Variants in MIPEP observed in about 807,000 individuals in gnomAD.
MIPEP encodes mitochondrial intermediate peptidase.
Under a neutral mutation model 90.3 loss-of-function variants are expected in MIPEP, and 79 were observed. The observed-to-expected ratio is 0.87, with a 90% CI of 0.73 to 1.05. MIPEP has a LOEUF of 1.05. Ranked by LOEUF, MIPEP falls within the 50% of genes least tolerant of loss-of-function variation. MIPEP has a pLI of 0.00. For synonymous variants in MIPEP, 334 were observed against 315.8 expected (o/e 1.06, Z -0.61); for missense variants, 940 against 905.6 (o/e 1.04, Z -0.49).
At position 23,839,715 on chromosome 13, in the gene MIPEP, A is replaced by G. The variant is rs944932351; in HGVS notation, c.1272T>C (p.His424=). The part of the protein sequence containing the change: ...SEDVRKLAVV[H]ESEGLLGYIY... The stretch of plus-strand genomic sequence containing the variant: ...TGTACCCCAACAATCCTTCAGATTC[A>G]TGAACAACAGCCTAGAAAAAAAAAT... Residue 424 remains histidine, a synonymous_variant, in exon 12 of 19, where the codon CAT becomes CAC. Transcript: ENST00000382172. The G allele has an allele frequency of 6.2e-7, 1 of 1,611,800 alleles. No individual in the cohort carries two copies. Among genetic ancestry groups the G allele is most frequent in the Admixed American group, 1.7e-5 (1 of 59,522 alleles).
intron 18 of MIPEP, among the ~76,000 whole-genome samples, chr13:23,746,376 G>A (rs1240793679): frequency 6.6e-6 from 1 of 151,312 alleles, no homozygotes; most frequent in East Asian, 2.0e-4. Context: ...GTTCACGCCT[G>A]TAATCTCAGC....
chr13:23,770,326 A>T (rs964107704), intron 16 of MIPEP, among the ~76,000 whole-genome samples: 1 of 151,552 alleles, frequency 6.6e-6, no homozygotes, highest in African/African-American at 2.4e-5. Context: ...TGCCTCAGAT[A>T]CTCTTCCCCC....
chr13:23,880,405 C>A (rs1286565513), intron 3 of MIPEP, among the ~76,000 whole-genome samples: 1 of 152,214 alleles, frequency 6.6e-6, no homozygotes, highest in East Asian at 1.9e-4. Context: ...CCGCACTGCC[C>A]CCACTGCAGA....
intron 18 of MIPEP, among the ~76,000 whole-genome samples, chr13:23,754,292 C>T (rs1952470365): frequency 6.6e-6 from 1 of 152,136 alleles, no homozygotes; most frequent in Non-Finnish European, 1.5e-5. Flanking sequence ...ACAAATCCAG[C>T]CCTATGAAGT....
chr13:23,738,351 A>G (rs1952287129), intron 18 of MIPEP, among the ~76,000 whole-genome samples: 1 of 151,776 alleles, frequency 6.6e-6, no homozygotes, highest in African/African-American at 2.4e-5. Flanking sequence ...TTGTTAATGT[A>G]GTTTATGTGT....
chr13:23,764,729 TA>T (rs968436845), intron 16 of MIPEP, among the ~76,000 whole-genome samples: 2 of 152,052 alleles, frequency 1.3e-5, no homozygotes, highest in Non-Finnish European at 1.5e-5. Flanking sequence ...GGCTAATTTT[TA>T]AAAAAAATTT....
chr13:23,759,039 A>G (rs1053449168), intron 17 of MIPEP, among the ~76,000 whole-genome samples: 1 of 152,288 alleles, frequency 6.6e-6, no homozygotes. Context: ...CATCAGCCAA[A>G]GTTCCCTGAA....
At chr13:23,753,115 C>T (rs1278691829) in intron 18 of MIPEP, among the ~76,000 whole-genome samples, 1 of 151,770 alleles carries the variant, frequency 6.6e-6, no homozygotes, top group Non-Finnish European at 1.5e-5. Flanking sequence ...GTGGTCCCAG[C>T]TACTCAGGAG....
At chr13:23,879,074 T>C (rs933239390) in intron 4 of MIPEP, among the ~76,000 whole-genome samples, 194 bp downstream of exon 4, 5 of 151,886 alleles carry the variant, frequency 3.3e-5, no homozygotes, top group African/African-American at 1.2e-4. Context: ...GAGGGTAGAG[T>C]CTGACCCTGT....
chr13:23,795,115 A>G (rs1952942367), intron 16 of MIPEP, among the ~76,000 whole-genome samples: 1 of 152,164 alleles, frequency 6.6e-6, no homozygotes, highest in African/African-American at 2.4e-5. Flanking sequence ...AAGCTAGCTC[A>G]GCCCAGGCAC....
intron 1 of MIPEP, among the ~76,000 whole-genome samples, chr13:23,887,434 C>T (rs9553086): frequency 0.2 from 30,156 of 152,098 alleles, 3,725 homozygotes; most frequent in East Asian, 0.45. Context: ...TGCTTTAAGA[C>T]GTTAGAAAAA....
At chr13:23,815,315 T>C (rs1953220179) in intron 14 of MIPEP, among the ~76,000 whole-genome samples, 1 of 44,016 alleles carries the variant, frequency 2.3e-5, no homozygotes, top group African/African-American at 9.1e-5. Context: ...CATAGTTTCC[T>C]GATTTTTTGT....
At chr13:23,789,491 CG>C (rs1388743884) in intron 16 of MIPEP, among the ~76,000 whole-genome samples, 1 of 152,112 alleles carries the variant, frequency 6.6e-6, no homozygotes, top group East Asian at 1.9e-4. Context: ...TAATTCTGCC[CG>C]GAACACCTTA....
chr13:23,743,913 C>T (rs1593127887), intron 18 of MIPEP, among the ~76,000 whole-genome samples: 2 of 152,312 alleles, frequency 1.3e-5, no homozygotes, highest in South Asian at 4.1e-4. Flanking sequence ...TCAGAGGCTA[C>T]GTTGGGTAAA....
chr13:23,889,088 G>T, intron 1 of MIPEP, 44 bp downstream of exon 1: 3 of 1,365,582 alleles, frequency 2.2e-6, no homozygotes, highest in African/African-American at 3.1e-5. Context: ...AGCAGGGGTC[G>T]GCTTAGCTCG....
chr13:23,770,479 A>G (rs570597646), intron 16 of MIPEP, among the ~76,000 whole-genome samples: 1 of 152,270 alleles, frequency 6.6e-6, no homozygotes, highest in Non-Finnish European at 1.5e-5. Context: ...AATTGGAACA[A>G]CCGGTTTCAC....
chr13:23,735,426 A>T (rs986762313), intron 18 of MIPEP, among the ~76,000 whole-genome samples: 4 of 152,236 alleles, frequency 2.6e-5, no homozygotes, highest in Admixed American at 2.6e-4. Flanking sequence ...TAACTAAATG[A>T]CTGGAATTCT....
At chr13:23,868,050 C>T (rs1205422127) in intron 7 of MIPEP, among the ~76,000 whole-genome samples, 1 of 151,754 alleles carries the variant, frequency 6.6e-6, no homozygotes, top group Non-Finnish European at 1.5e-5. Flanking sequence ...AAAAAACATA[C>T]ACTAAAAACA....
At chr13:23,851,894 T>A (rs913374403) in intron 10 of MIPEP, among the ~76,000 whole-genome samples, 2 of 152,168 alleles carry the variant, frequency 1.3e-5, no homozygotes, top group Non-Finnish European at 2.9e-5. Flanking sequence ...ACACAAAGTA[T>A]ACAACATCAC....
Sources: gnomAD v4.1 joint callset for allele counts (sites outside exome capture counted in the v4.1 genomes callset) on GRCh38, gnomAD v4.1.1 for gene constraint, MANE v1.5 for transcripts, NCBI Gene and HGNC (gene_info 2026-07-23, HGNC 2026-07-21) for gene names.